Variants in UBE2U observed in about 807,000 individuals in gnomAD.
The protein encoded by UBE2U is ubiquitin conjugating enzyme E2 U.
UBE2U carries 39 observed loss-of-function variants against 41.2 expected under a neutral mutation model. The observed-to-expected ratio is 0.95, with a 90% confidence interval of 0.73 to 1.24. The LOEUF (loss-of-function observed/expected upper bound fraction) is 1.24. Among genes scored for constraint, UBE2U ranks in the 50% most tolerant of loss-of-function variants. UBE2U has a pLI of 0.00. For missense variants in UBE2U, 336 were observed against 363.1 expected (o/e 0.93, Z 0.61); for synonymous variants, 107 against 117.8 (o/e 0.91, Z 0.60).
intron 3 of UBE2U, among the ~76,000 whole-genome samples, chr1:64,208,603 CAAAAAAAAAAAAAAAAAAAAAAAA>C (rs56972795): frequency 6.6e-4 from 24 of 36,504 alleles, no homozygotes; most frequent in African/African-American, 2.2e-3. Context: ...GACGCTGTCT[CAAAAAAAAAAAAAAAAAAAAAAAA>C]AAAAAAAAAA....
intron 8 of UBE2U, among the ~76,000 whole-genome samples, chr1:64,251,970 C>T (rs937954824): frequency 1.3e-5 from 2 of 152,148 alleles, no homozygotes; most frequent in African/African-American, 4.8e-5. Context: ...CAACCAGCAG[C>T]AATAGGCTGA....
chr1:64,232,380 G>A (rs1644583846), intron 6 of UBE2U, among the ~76,000 whole-genome samples, 181 bp from the exon 7 acceptor site: 1 of 151,816 alleles, frequency 6.6e-6, no homozygotes, highest in Admixed American at 6.6e-5. Flanking sequence ...TTCGTTATTT[G>A]TATTCATTAT....
chr1:64,209,585 T>C (rs1651537819), intron 3 of UBE2U, among the ~76,000 whole-genome samples: 1 of 152,174 alleles, frequency 6.6e-6, no homozygotes, highest in Admixed American at 6.5e-5. Flanking sequence ...ATGAAGCTGA[T>C]GTTTTTACTT....
At chr1:64,210,469 C>A (rs1026784136) in intron 3 of UBE2U, among the ~76,000 whole-genome samples, 3 of 152,122 alleles carry the variant, frequency 2.0e-5, no homozygotes, top group African/African-American at 4.8e-5. Context: ...GCACACTTAT[C>A]CTTATGTCCC....
chr1:64,232,697 T>G (rs780752930), intron 7 of UBE2U, 48 bp downstream of exon 7: 3 of 1,441,166 alleles, frequency 2.1e-6, no homozygotes, highest in Non-Finnish European at 2.9e-6. Context: ...TATGTTAATC[T>G]GTTAACATTT....
chr1:64,233,010 A>C (rs926831826), intron 7 of UBE2U, among the ~76,000 whole-genome samples: 11 of 146,052 alleles, frequency 7.5e-5, no homozygotes, highest in African/African-American at 2.8e-4. Flanking sequence ...TTTTATTTTT[A>C]CTTTTTTTTT....
At chr1:64,214,545 AAATGTATATGCTAGGAAGGAAC>A (rs1200756578) in intron 4 of UBE2U, among the ~76,000 whole-genome samples, 3 of 152,198 alleles carry the variant, frequency 2.0e-5, no homozygotes, top group Non-Finnish European at 4.4e-5. Flanking sequence ...AATTCAATGT[AAATGTATATGCTAGGAAGGAAC>A]AAGTTACAGA....
Position 64,203,774 on chromosome 1 carries a change from G to A in UBE2U, c.-277G>A. 1.2e-5 allele frequency: 4 copies of A among 343,106 alleles called. No individual in the cohort carries two copies. The highest frequency in any genetic ancestry group is 4.5e-5 in the East Asian group (1 of 22,278). 21.3% of individuals were successfully genotyped at this position (343,106 alleles called of 1,614,324 possible). A position where few individuals can be genotyped will look rare whatever the true frequency, so the allele number is the denominator to read the frequency against. On this transcript the variant is annotated 5_prime_UTR_variant, in exon 1 of 10. Coordinates refer to ENST00000371077, the MANE Select transcript of UBE2U (RefSeq NM_001366232.2). Reference sequence around the variant, plus strand: ...CGTTACTCATCCAAGTTTGTCTTGAGACTGGGCTGTGAGCCGGCACTGCAG... The same window carrying A: ...CGTTACTCATCCAAGTTTGTCTTGAAACTGGGCTGTGAGCCGGCACTGCAG...
chr1:64,260,656 C>T lies in UBE2U; in HGVS notation c.731C>T (p.Thr244Ile), dbSNP rs1645166873. The change falls in exon 9 of 10, where the codon ACT (threonine) becomes ATT (isoleucine). Residue 244 changes from threonine (T) to isoleucine (I), a missense_variant. Coordinates refer to ENST00000371077, the MANE Select transcript of UBE2U (RefSeq NM_001366232.2). Reference protein sequence around the residue: ...LARKRMPHEVTHSMEEIKLCP... With the variant: ...LARKRMPHEVIHSMEEIKLCP... Reference sequence around the variant, plus strand: ...AGAAAAAGAATGCCTCATGAAGTCACTCACTCAATGGAAGAAATTAAGCTC... The same window carrying T: ...AGAAAAAGAATGCCTCATGAAGTCATTCACTCAATGGAAGAAATTAAGCTC... The T allele has an allele frequency of 6.5e-7, 1 of 1,549,554 alleles. No homozygotes were observed. Among genetic ancestry groups the T allele is most frequent in the Non-Finnish European group, 8.7e-7 (1 of 1,146,648 alleles).
chr1:64,218,516 G>A (rs1433064217), intron 5 of UBE2U, among the ~76,000 whole-genome samples: 3 of 152,288 alleles, frequency 2.0e-5, no homozygotes, highest in Non-Finnish European at 2.9e-5. Context: ...CCTGAGTGCT[G>A]CCTGCCAGAG....
intron 9 of UBE2U, 79 bp downstream of exon 9, chr1:64,260,773 C>A: frequency 1.7e-6 from 2 of 1,157,878 alleles, no homozygotes; most frequent in Non-Finnish European, 1.2e-6. Flanking sequence ...AACTTTTTTC[C>A]ATTTAAGTAA....
chr1:64,211,971 T>C (rs183934080), intron 4 of UBE2U, among the ~76,000 whole-genome samples: 103 of 149,206 alleles, frequency 6.9e-4, no homozygotes, highest in African/African-American at 2.3e-3. Flanking sequence ...AGAATTATAA[T>C]ATAAATTGCA....
intron 3 of UBE2U, among the ~76,000 whole-genome samples, chr1:64,209,490 G>A (rs770958360): frequency 1.3e-5 from 2 of 152,148 alleles, no homozygotes; most frequent in Non-Finnish European, 2.9e-5. Flanking sequence ...TTCGGTTTGG[G>A]AGTTAAGTTT....
At chr1:64,256,811 A>G (rs1017258152) in intron 8 of UBE2U, among the ~76,000 whole-genome samples, 5 of 152,262 alleles carry the variant, frequency 3.3e-5, no homozygotes, top group African/African-American at 1.2e-4. Context: ...GGAAACTACC[A>G]TCAGAGTGAA....
intron 8 of UBE2U, among the ~76,000 whole-genome samples, chr1:64,258,516 C>A (rs1645132424): frequency 1.3e-5 from 2 of 151,818 alleles, no homozygotes; most frequent in Admixed American, 6.6e-5. Flanking sequence ...GTTCCCCGCC[C>A]CGTGTCCAGT....
chr1:64,204,787 T>C (rs1160191436), intron 1 of UBE2U, among the ~76,000 whole-genome samples: 2 of 152,198 alleles, frequency 1.3e-5, no homozygotes, highest in Non-Finnish European at 2.9e-5. Context: ...ATGAAAGGTA[T>C]AGAGTGCTTC....
chr1:64,257,124 A>T (rs1245574101), intron 8 of UBE2U, among the ~76,000 whole-genome samples: 2 of 152,226 alleles, frequency 1.3e-5, no homozygotes, highest in African/African-American at 2.4e-5. Context: ...GATGCTGGCA[A>T]GTTTGCAGAA....
At chr1:64,229,215 G>A (rs1371359756) in intron 6 of UBE2U, among the ~76,000 whole-genome samples, 3 of 151,926 alleles carry the variant, frequency 2.0e-5, no homozygotes, top group African/African-American at 4.8e-5. Context: ...GGCTGGTCTC[G>A]AACTCCTGAC....
chr1:64,219,722 A>G (rs1042121175), intron 5 of UBE2U, among the ~76,000 whole-genome samples: 2 of 151,898 alleles, frequency 1.3e-5, no homozygotes, highest in African/African-American at 4.8e-5. Context: ...CAGCCTCCCA[A>G]GTAGCTGGGA....
Sources: gnomAD v4.1 joint callset for allele counts (sites outside exome capture counted in the v4.1 genomes callset) on GRCh38, gnomAD v4.1.1 for gene constraint, MANE v1.5 for transcripts, NCBI Gene and HGNC (gene_info 2026-07-23, HGNC 2026-07-21) for gene names.